Variants in TWIST2 observed in about 807,000 individuals in gnomAD.
TWIST2 encodes the protein twist-related protein 2.
In TWIST2, 1 loss-of-function variant was observed where a neutral mutation model predicts 11.6. That is an observed-to-expected ratio of 0.09 (90% CI 0.03 to 0.41). The LOEUF is 0.41. Ranked by LOEUF, TWIST2 falls within the 10% of genes least tolerant of loss-of-function variation. TWIST2 has a pLI of 0.98. For synonymous variants in TWIST2, 87 were observed against 96.6 expected (o/e 0.90, Z 0.58); for missense variants, 168 against 226.4 (o/e 0.74, Z 1.66).
chr2:238,881,387 G>A (rs567236116), intron 1 of TWIST2, among the ~76,000 whole-genome samples: 1 of 151,270 alleles, frequency 6.6e-6, no homozygotes, highest in East Asian at 1.9e-4. Context: ...ATTAGTATTA[G>A]TTACTATTTA....
At chr2:238,870,142 CCAT>C (rs1692625533) in intron 1 of TWIST2, among the ~76,000 whole-genome samples, 1 of 108,818 alleles carries the variant, frequency 9.2e-6, no homozygotes, top group African/African-American at 3.6e-5. Flanking sequence ...ACACCACACC[CCAT>C]ACACACCACA....
intron 1 of TWIST2, among the ~76,000 whole-genome samples, chr2:238,897,311 G>C (rs1189769403): frequency 6.6e-6 from 1 of 152,054 alleles, no homozygotes. Flanking sequence ...TGTCCTCCGC[G>C]CGCCCCCCTG....
intron 1 of TWIST2, among the ~76,000 whole-genome samples, chr2:238,893,749 C>G (rs1693175808): frequency 6.6e-6 from 1 of 152,364 alleles, no homozygotes; most frequent in South Asian, 2.1e-4. Context: ...TTCGCAGCTT[C>G]TGGCACTTTC....
chr2:238,848,189 C>T lies in TWIST2; in HGVS notation c.-27C>T, dbSNP rs1449373017. 7.9e-6 allele frequency: 10 copies of T among 1,263,774 alleles called. No homozygotes were observed. In the Admixed American group the frequency reaches 3.4e-4, roughly 42 times the overall value. The allele number at this position is 1,263,774 out of a possible 1,614,324, so 78.3% of individuals were successfully genotyped here. On this transcript the variant is annotated 5_prime_UTR_variant, in exon 1 of 2. Coordinates refer to ENST00000612363, the MANE Select transcript of TWIST2 (RefSeq NM_001271893.4). ...CGCGCGCTCGGCGCCCCGGCGCCCCCAGCCCCACGCGCGCCGGGCGGGCGC... is the reference window on the plus strand; with the variant it reads ...CGCGCGCTCGGCGCCCCGGCGCCCCTAGCCCCACGCGCGCCGGGCGGGCGC...
intron 1 of TWIST2, among the ~76,000 whole-genome samples, chr2:238,879,127 C>A (rs771862303): frequency 6.6e-6 from 1 of 152,220 alleles, no homozygotes; most frequent in Admixed American, 6.5e-5. Context: ...GGACACACAG[C>A]CTTCCTGGCT....
intron 1 of TWIST2, among the ~76,000 whole-genome samples, chr2:238,870,630 AC>A (rs373530347): frequency 0.096 from 2,190 of 22,908 alleles, 271 homozygotes; most frequent in African/African-American, 0.2. Flanking sequence ...CACAAACCAC[AC>A]CCCCCCACAC....
At chr2:238,892,683 G>A (rs1031499295) in intron 1 of TWIST2, among the ~76,000 whole-genome samples, 1 of 151,980 alleles carries the variant, frequency 6.6e-6, no homozygotes, top group African/African-American at 2.4e-5. Flanking sequence ...ATTTCACCAT[G>A]TTACCCAGGC....
chr2:238,870,404 T>A (rs375647124), intron 1 of TWIST2, among the ~76,000 whole-genome samples: 1 of 694 alleles, frequency 1.4e-3, no homozygotes, highest in South Asian at 0.056. Flanking sequence ...CACACACACA[T>A]CACATACCAC....
At position 238,848,654 on chromosome 2, in the gene TWIST2, G is replaced by T; in HGVS notation, c.439G>T (p.Val147Leu). ...AHERLSYAFS[V>L]WRMEGAWSMS... ...CGAGCGCCTCAGCTACGCCTTCTCC[G>T]TGTGGCGCATGGAGGGCGCGTGGTC... is the stretch of plus-strand genomic sequence containing the variant. The change falls in exon 1 of 2, where the codon GTG becomes TTG. Residue 147 changes from valine (V) to leucine (L), a missense_variant. Val to Leu is a conservative substitution (Grantham distance 32). This residue lies in a region of TWIST2 where 62 missense variants were observed against 75.3 expected (regional missense o/e 0.82). Transcript: ENST00000612363. 1 of 1,536,654 alleles carries T rather than the reference G, an allele frequency of 6.5e-7. No homozygotes were observed. The highest frequency in any genetic ancestry group is 8.7e-7 in the Non-Finnish European group (1 of 1,146,972).
chr2:238,870,595 C>T (rs1692662342), intron 1 of TWIST2, among the ~76,000 whole-genome samples: 1 of 58,902 alleles, frequency 1.7e-5, no homozygotes, highest in Non-Finnish European at 3.7e-5. Flanking sequence ...ACACCACACA[C>T]CCCACACACA....
chr2:238,862,283 A>G (rs1284147333), intron 1 of TWIST2, among the ~76,000 whole-genome samples: 3 of 152,246 alleles, frequency 2.0e-5, no homozygotes, highest in Admixed American at 1.3e-4. Context: ...CCAAAAAACT[A>G]TGACAATCAA....
chr2:238,876,597 ACT>A (rs1035634765), intron 1 of TWIST2, among the ~76,000 whole-genome samples: 8 of 152,300 alleles, frequency 5.3e-5, no homozygotes, highest in Non-Finnish European at 8.8e-5. Context: ...GATAGGAGAA[ACT>A]CTCTCTCAGT....
At chr2:238,865,503 G>A (rs1046613860) in intron 1 of TWIST2, among the ~76,000 whole-genome samples, 6 of 152,232 alleles carry the variant, frequency 3.9e-5, no homozygotes, top group Non-Finnish European at 7.4e-5. Context: ...GATTCCCTGC[G>A]GGAGATCGGG....
chr2:238,881,251 CAGTATT>C (rs2106364864), intron 1 of TWIST2, among the ~76,000 whole-genome samples: 1 of 133,186 alleles, frequency 7.5e-6, no homozygotes, highest in African/African-American at 2.9e-5. Flanking sequence ...GTGTTAGTGT[CAGTATT>C]AGTGTATTTA....
intron 1 of TWIST2, among the ~76,000 whole-genome samples, chr2:238,908,413 C>T (rs936126423): frequency 1.3e-5 from 2 of 151,294 alleles, no homozygotes; most frequent in South Asian, 2.1e-4. Flanking sequence ...ATACCACACA[C>T]TGCACACACC....
intron 1 of TWIST2, among the ~76,000 whole-genome samples, chr2:238,873,789 T>C: frequency 6.6e-6 from 1 of 152,072 alleles, no homozygotes; most frequent in East Asian, 1.9e-4. Context: ...TTCCGGAACA[T>C]CTCGATACCA....
intron 1 of TWIST2, among the ~76,000 whole-genome samples, chr2:238,880,195 T>TA (rs1692885805): frequency 6.6e-6 from 1 of 152,056 alleles, no homozygotes; most frequent in South Asian, 2.1e-4. Context: ...TTATTGGTAT[T>TA]GGTGTTACTG....
At chr2:238,879,373 G>A (rs985800007) in intron 1 of TWIST2, among the ~76,000 whole-genome samples, 7 of 152,152 alleles carry the variant, frequency 4.6e-5, no homozygotes, top group African/African-American at 9.7e-5. Flanking sequence ...TTCTCCAGTC[G>A]TGATTATTAA....
At chr2:238,884,546 C>T (rs1286086560) in intron 1 of TWIST2, among the ~76,000 whole-genome samples, 1 of 152,232 alleles carries the variant, frequency 6.6e-6, no homozygotes, top group Admixed American at 6.5e-5. Context: ...CGGGCACGTT[C>T]AAGGGTGTGG....
Sources: gnomAD v4.1 joint callset for allele counts (sites outside exome capture counted in the v4.1 genomes callset) on GRCh38, gnomAD v4.1.1 for gene constraint, gnomAD v4.1.1 regional missense constraint, MANE v1.5 for transcripts, NCBI Gene and HGNC (gene_info 2026-07-23, HGNC 2026-07-21) for gene names.